Variants in RMND1 observed in about 807,000 individuals in gnomAD.
RMND1 encodes the protein required for meiotic nuclear division protein 1 homolog.
Under a neutral mutation model 54.0 loss-of-function variants are expected in RMND1, and 41 were observed. The ratio of observed to expected loss-of-function variants is 0.76; its 90% CI spans 0.59 to 0.98. The LOEUF is 0.98. Among genes scored for constraint, RMND1 ranks in the 50% least tolerant of loss-of-function variants. The pLI, the probability that RMND1 is intolerant of heterozygous loss-of-function variation, is 0.00. For synonymous variants in RMND1, 183 were observed against 181.7 expected, an observed-to-expected ratio of 1.01 and a Z score of -0.06; for missense variants, 457 against 532.0, an observed-to-expected ratio of 0.86 and a Z score of 1.39.
At chr6:151,419,170 T>A (rs1252711769) in intron 9 of RMND1, among the ~76,000 whole-genome samples, 1 of 151,938 alleles carries the variant, frequency 6.6e-6, no homozygotes, top group African/African-American at 2.4e-5. Context: ...GTTCAACCAA[T>A]TCTCATGCCT....
chr6:151,434,505 C>G (rs1780544094), intron 3 of RMND1, among the ~76,000 whole-genome samples: 1 of 151,918 alleles, frequency 6.6e-6, no homozygotes, highest in South Asian at 2.1e-4. Context: ...CTGAAACAAC[C>G]CAGGGCAGTG....
intron 1 of RMND1, among the ~76,000 whole-genome samples, chr6:151,448,214 G>A (rs1781020467): frequency 6.6e-6 from 1 of 152,040 alleles, no homozygotes; most frequent in South Asian, 2.1e-4. Flanking sequence ...TCAATACATC[G>A]GACCTCCTCA....
chr6:151,423,087 C>T (rs1780201111), intron 7 of RMND1, among the ~76,000 whole-genome samples: 1 of 152,094 alleles, frequency 6.6e-6, no homozygotes, highest in Non-Finnish European at 1.5e-5. Context: ...TAGTTTTATT[C>T]GGGATGTGGA....
intron 4 of RMND1, among the ~76,000 whole-genome samples, chr6:151,431,407 C>T: frequency 6.6e-6 from 1 of 152,134 alleles, no homozygotes; most frequent in Non-Finnish European, 1.5e-5. Flanking sequence ...TTACAATAGA[C>T]AAACAGACTG....
chr6:151,438,811 C>CA (rs202017877), intron 2 of RMND1, among the ~76,000 whole-genome samples: 14,366 of 147,710 alleles, frequency 0.097, 767 homozygotes, highest in Middle Eastern at 0.18. Flanking sequence ...TTTTTTTTTC[C>CA]AAAAAAAACC....
chr6:151,422,385 G>A (rs907993546), intron 8 of RMND1, among the ~76,000 whole-genome samples, 156 bp downstream of exon 8: 1 of 152,170 alleles, frequency 6.6e-6, no homozygotes, highest in Non-Finnish European at 1.5e-5. Context: ...TTTTATATCA[G>A]GGATTTGGAC....
chr6:151,415,421 A>G (rs1779974110), intron 10 of RMND1, among the ~76,000 whole-genome samples: 1 of 152,142 alleles, frequency 6.6e-6, no homozygotes. Flanking sequence ...CTAAATATCT[A>G]TGCAACGAGA....
At chr6:151,443,491 T>A (rs576598401) in intron 2 of RMND1, among the ~76,000 whole-genome samples, 15 of 152,044 alleles carry the variant, frequency 9.9e-5, no homozygotes, top group Non-Finnish European at 7.4e-5. Flanking sequence ...TTTGTATATT[T>A]GTAGAGACAG....
At chr6:151,424,643 T>C (rs888403343) in intron 6 of RMND1, among the ~76,000 whole-genome samples, 6 of 152,134 alleles carry the variant, frequency 3.9e-5, no homozygotes, top group South Asian at 2.1e-4. Context: ...AAATGCTGCA[T>C]ATAAAACTAT....
At chr6:151,415,078 G>C (rs149276679) in intron 10 of RMND1, among the ~76,000 whole-genome samples, 49 of 150,652 alleles carry the variant, frequency 3.3e-4, no homozygotes, top group Non-Finnish European at 6.4e-4. Flanking sequence ...AGAAATCTTA[G>C]AAGATCAGAA....
At chr6:151,445,062 C>CA (rs1780912355) in intron 2 of RMND1, 1 of 405,396 alleles carries the variant, frequency 2.5e-6, no homozygotes, top group African/African-American at 2.0e-5. Context: ...GACCAATAAC[C>CA]AAATCTTTTA....
chr6:151,417,432 T>G (rs1475499453), intron 9 of RMND1, 33 bp from the exon 10 acceptor site: 1 of 1,476,140 alleles, frequency 6.8e-7, no homozygotes, highest in East Asian at 2.3e-5. Context: ...TTTTTATTTA[T>G]CTTGAATTAA....
chr6:151,437,899 A>G (rs1360278339), intron 2 of RMND1, among the ~76,000 whole-genome samples: 1 of 152,174 alleles, frequency 6.6e-6, no homozygotes, highest in Non-Finnish European at 1.5e-5. Context: ...AAATCAATAA[A>G]GTATCTACTC....
Position 151,417,404 on chromosome 6 carries a change from A to T in RMND1, c.1080-5T>A. The T allele has an allele frequency of 6.4e-7, 1 of 1,562,446 alleles. No homozygotes were observed. Among genetic ancestry groups the T allele is most frequent in the Non-Finnish European group, 8.7e-7 (1 of 1,152,820 alleles). The stretch of plus-strand genomic sequence containing the variant: ...GAACTCAAGTTTATACGGTGCCTTT[A>T]AAAAGGAAAATTATAACTTTTTATT... On this transcript the variant is annotated splice_polypyrimidine_tract_variant and splice_region_variant and intron_variant, in intron 9 of 11. Transcript: ENST00000444024.
chr6:151,426,260 T>C (rs1780294050), intron 6 of RMND1, among the ~76,000 whole-genome samples: 2 of 152,164 alleles, frequency 1.3e-5, no homozygotes, highest in Admixed American at 1.3e-4. Context: ...ACTACCTTTC[T>C]TAAGAACCTG....
intron 10 of RMND1, among the ~76,000 whole-genome samples, chr6:151,414,993 CTA>C (rs1779958987): frequency 6.6e-6 from 1 of 150,990 alleles, no homozygotes; most frequent in Non-Finnish European, 1.5e-5. Context: ...TGAAGACAAA[CTA>C]AGAGAATTTG....
intron 11 of RMND1, 109 bp downstream of exon 11, chr6:151,405,607 AAGTC>A (rs1235394590): frequency 3.7e-5 from 24 of 653,288 alleles, no homozygotes; most frequent in South Asian, 1.6e-4. Context: ...AATGATAACA[AAGTC>A]AGCCTCTTTT....
chr6:151,435,289 G>C (rs1780571363), intron 3 of RMND1, among the ~76,000 whole-genome samples: 1 of 151,844 alleles, frequency 6.6e-6, no homozygotes, highest in African/African-American at 2.4e-5. Context: ...GGGACTACAG[G>C]CTCGTGCCAC....
intron 10 of RMND1, among the ~76,000 whole-genome samples, chr6:151,412,880 C>T (rs1407359622): frequency 1.3e-5 from 2 of 152,166 alleles, no homozygotes; most frequent in Admixed American, 1.3e-4. Context: ...CCAAACCACT[C>T]ATGAGAAATC....
Sources: allele counts gnomAD v4.1 joint callset (sites outside exome capture counted in the v4.1 genomes callset), GRCh38; gene constraint gnomAD v4.1.1; transcripts MANE v1.5; gene names NCBI Gene and HGNC (gene_info 2026-07-23, HGNC 2026-07-21).